FHIT: variants seen among roughly 807,000 people sequenced by gnomAD.
The protein encoded by FHIT is bis(5'-adenosyl)-triphosphatase.
Under a neutral mutation model 17.9 loss-of-function variants are expected in FHIT, and 19 were observed. The ratio of observed to expected loss-of-function variants is 1.06; its 90% confidence interval spans 0.74 to 1.56. The LOEUF is 1.56. FHIT is among the 40% of genes most tolerant of loss of function. The pLI, the probability that FHIT is intolerant of heterozygous loss-of-function variation, is 0.00. For synonymous variants in FHIT, 81 were observed against 69.7 expected, an observed-to-expected ratio of 1.16 and a Z score of -0.81; for missense variants, 248 against 189.2, an observed-to-expected ratio of 1.31 and a Z score of -1.82.
intron 8 of FHIT, among the ~76,000 whole-genome samples, chr3:59,839,706 C>A (rs1174280478): frequency 6.6e-6 from 1 of 152,150 alleles, no homozygotes; most frequent in African/African-American, 2.4e-5. Context: ...CATTATCTCT[C>A]TCTACCAAAC....
At chr3:60,564,010 G>A (rs937206897) in intron 4 of FHIT, among the ~76,000 whole-genome samples, 5 of 152,088 alleles carry the variant, frequency 3.3e-5, no homozygotes, top group Non-Finnish European at 7.4e-5. Flanking sequence ...TAGCTAGAGA[G>A]GAGAAGTTAG....
intron 5 of FHIT, among the ~76,000 whole-genome samples, chr3:60,234,562 T>C (rs1704671904): frequency 6.6e-6 from 1 of 152,222 alleles, no homozygotes; most frequent in African/African-American, 2.4e-5. Flanking sequence ...CTAAATGTAT[T>C]GTTGCCAGAG....
At chr3:60,453,707 G>GT (rs1378878882) in intron 5 of FHIT, among the ~76,000 whole-genome samples, 1 of 152,178 alleles carries the variant, frequency 6.6e-6, no homozygotes, top group Non-Finnish European at 1.5e-5. Flanking sequence ...CTCACAAGTT[G>GT]TGAGGTTCAA....
At chr3:60,258,071 C>CACACACAA in intron 5 of FHIT, among the ~76,000 whole-genome samples, 1 of 121,916 alleles carries the variant, frequency 8.2e-6, no homozygotes, top group East Asian at 2.3e-4. Context: ...TAAATACACA[C>CACACACAA]ACACACACAC....
At chr3:59,906,304 G>A (rs1008504438) in intron 8 of FHIT, among the ~76,000 whole-genome samples, 1 of 152,122 alleles carries the variant, frequency 6.6e-6, no homozygotes, top group African/African-American at 2.4e-5. Flanking sequence ...GACTTCAAGG[G>A]CATTCTTTTC....
At chr3:60,209,857 T>C (rs9846543) in intron 5 of FHIT, among the ~76,000 whole-genome samples, 9,379 of 152,042 alleles carry the variant, frequency 0.062, 411 homozygotes, top group African/African-American at 0.13. Flanking sequence ...TACCGCATGT[T>C]CTCACTCATA....
intron 3 of FHIT, among the ~76,000 whole-genome samples, chr3:60,968,820 A>G (rs1357307023): frequency 6.6e-6 from 1 of 152,186 alleles, no homozygotes; most frequent in African/African-American, 2.4e-5. Context: ...CCCCTTATCT[A>G]TTGAGATGAT....
rs1559865501 is a variant in FHIT, at chr3:60,376,806, T to C, written c.103+160054A>G. Among the ~76,000 whole-genome samples the C allele has an allele frequency of 7.2e-5, 11 of 152,304 alleles. No homozygotes were observed. The South Asian group carries it at 1.9e-3, about 26-fold the overall frequency. ...CCATCTTTGAAAATGAAATAAACAT[T>C]TATTAAAATAATACCATACACGACA... On this transcript the variant is annotated intron_variant, in intron 5 of 9. Transcript: ENST00000492590.
At chr3:60,972,396 T>C (rs1213759275) in intron 3 of FHIT, among the ~76,000 whole-genome samples, 1 of 152,204 alleles carries the variant, frequency 6.6e-6, no homozygotes, top group East Asian at 1.9e-4. Flanking sequence ...TGGCATCCCA[T>C]TGTTTTCTTG....
intron 4 of FHIT, among the ~76,000 whole-genome samples, chr3:60,573,888 T>A (rs1245342752): frequency 6.6e-6 from 1 of 152,026 alleles, no homozygotes; most frequent in East Asian, 1.9e-4. Context: ...CAGCTCACTA[T>A]AACCTCTGCC....
chr3:60,356,212 C>A (rs1444576837), intron 5 of FHIT, among the ~76,000 whole-genome samples: 3 of 152,190 alleles, frequency 2.0e-5, no homozygotes, highest in Non-Finnish European at 4.4e-5. Flanking sequence ...CAGCCTATAA[C>A]AACGCTGCAA....
chr3:60,118,881 C>T (rs1032735394), intron 5 of FHIT, among the ~76,000 whole-genome samples: 1 of 149,342 alleles, frequency 6.7e-6, no homozygotes, highest in African/African-American at 2.5e-5. Context: ...AATAGCTGGG[C>T]GTGGTGGCGG....
chr3:60,029,879 T>TGTGTGTGTG (rs1553655670), intron 5 of FHIT, among the ~76,000 whole-genome samples: 24 of 131,472 alleles, frequency 1.8e-4, no homozygotes, highest in African/African-American at 2.8e-4. Context: ...CATAGAAGCA[T>TGTGTGTGTG]TGTGTGTGTG....
intron 5 of FHIT, among the ~76,000 whole-genome samples, chr3:60,057,167 T>C (rs1702115701): frequency 6.6e-6 from 1 of 152,208 alleles, no homozygotes; most frequent in Admixed American, 6.5e-5. Flanking sequence ...CCAAGCCAGG[T>C]ACATCCTATG....
intron 2 of FHIT, among the ~76,000 whole-genome samples, chr3:61,116,006 C>T (rs2106905655): frequency 6.6e-6 from 1 of 152,266 alleles, no homozygotes; most frequent in East Asian, 1.9e-4. Flanking sequence ...TTAACTCCTC[C>T]ACCCTCACTA....
At chr3:60,953,856 T>C (rs1708998201) in intron 3 of FHIT, among the ~76,000 whole-genome samples, 2 of 152,236 alleles carry the variant, frequency 1.3e-5, no homozygotes, top group Non-Finnish European at 2.9e-5. Flanking sequence ...GGTCTTTCAA[T>C]GTCACGGAAA....
At chr3:60,658,884 T>C (rs1284272739) in intron 4 of FHIT, among the ~76,000 whole-genome samples, 1 of 152,082 alleles carries the variant, frequency 6.6e-6, no homozygotes, top group Non-Finnish European at 1.5e-5. Context: ...TTACTATTAG[T>C]GTCCTTTCAT....
At chr3:59,862,264 C>T (rs1702439696) in intron 8 of FHIT, among the ~76,000 whole-genome samples, 1 of 152,142 alleles carries the variant, frequency 6.6e-6, no homozygotes, top group Non-Finnish European at 1.5e-5. Context: ...AGGGGAGCTG[C>T]CCTTTATAAA....
At chr3:60,218,247 T>C (rs924828592) in intron 5 of FHIT, among the ~76,000 whole-genome samples, 67 of 152,242 alleles carry the variant, frequency 4.4e-4, no homozygotes, top group African/African-American at 1.3e-3. Flanking sequence ...AAGAATGAGA[T>C]ACTACATTTT....
Sources: allele counts gnomAD v4.1 joint callset (sites outside exome capture counted in the v4.1 genomes callset), GRCh38; gene constraint gnomAD v4.1.1; transcripts MANE v1.5; gene names NCBI Gene and HGNC (gene_info 2026-07-23, HGNC 2026-07-21).